The following KCNIP4 variants were observed in gnomAD, a reference collection of about 807,000 sequenced individuals.
KCNIP4 encodes potassium voltage-gated channel interacting protein 4, also known as Kv channel-interacting protein 4.
KCNIP4 carries 12 observed loss-of-function variants against 34.0 expected under a neutral mutation model. The observed-to-expected ratio is 0.35, with a 90% CI of 0.23 to 0.57. The LOEUF (loss-of-function observed/expected upper bound fraction) is 0.57, where lower values mean the gene tolerates loss of function less well. KCNIP4 is among the 20% of genes least tolerant of loss of function. The pLI is 0.83. For synonymous variants in KCNIP4, 124 were observed against 102.2 expected (o/e 1.21, Z -1.29); for missense variants, 238 against 311.7 (o/e 0.76, Z 1.78).
intron 1 of KCNIP4, among the ~76,000 whole-genome samples, chr4:20,894,123 C>T (rs575953902): frequency 1.3e-5 from 2 of 152,210 alleles, no homozygotes; most frequent in South Asian, 4.1e-4. Context: ...TCAAGTGATC[C>T]GCACACCTCG....
At chr4:21,239,607 A>G (rs1759644374) in intron 1 of KCNIP4, among the ~76,000 whole-genome samples, 1 of 152,238 alleles carries the variant, frequency 6.6e-6, no homozygotes. Flanking sequence ...TTATGCAGCC[A>G]ACAGACACAT....
intron 1 of KCNIP4, among the ~76,000 whole-genome samples, chr4:21,354,286 T>A (rs539148866): frequency 2.0e-5 from 3 of 152,254 alleles, no homozygotes; most frequent in South Asian, 4.2e-4. Flanking sequence ...AGGATCAAAT[T>A]CACACATAAC....
chr4:21,291,852 TCAAAAAAAA>T, intron 1 of KCNIP4, among the ~76,000 whole-genome samples: 1 of 32,818 alleles, frequency 3.0e-5, no homozygotes, highest in South Asian at 1.3e-3. Context: ...AGACTCCGCC[TCAAAAAAAA>T]AAAAAAAAAG....
intron 1 of KCNIP4, among the ~76,000 whole-genome samples, chr4:21,015,906 T>C (rs2149739560): frequency 7.0e-6 from 1 of 142,654 alleles, no homozygotes; most frequent in East Asian, 2.0e-4. Context: ...CAATATAATA[T>C]GTTTAATATA....
chr4:21,231,182 G>A (rs953223162), intron 1 of KCNIP4, among the ~76,000 whole-genome samples: 4 of 152,052 alleles, frequency 2.6e-5, no homozygotes, highest in Admixed American at 6.6e-5. Context: ...TCTACAGAGC[G>A]CTCTGCTGAT....
At chr4:21,281,607 C>T (rs952899094) in intron 1 of KCNIP4, among the ~76,000 whole-genome samples, 3 of 152,174 alleles carry the variant, frequency 2.0e-5, no homozygotes, top group Non-Finnish European at 4.4e-5. Context: ...CACTTAGGTA[C>T]ACACCTAACT....
At chr4:21,679,911 T>A (rs1750206977) in intron 1 of KCNIP4, among the ~76,000 whole-genome samples, 1 of 152,206 alleles carries the variant, frequency 6.6e-6, no homozygotes, top group South Asian at 2.1e-4. Flanking sequence ...TGAGAAGTAA[T>A]TTTTTGCTCA....
intron 1 of KCNIP4, among the ~76,000 whole-genome samples, chr4:21,933,052 G>GAAAAAAAAAAAAAAA (rs35062040): frequency 1.0e-5 from 1 of 100,030 alleles, no homozygotes; most frequent in Non-Finnish European, 2.0e-5. Flanking sequence ...AAAGGTAAAC[G>GAAAAAAAAAAAAAAA]AAAAAAAAAA....
At chr4:21,477,529 C>A (rs1214784247) in intron 1 of KCNIP4, among the ~76,000 whole-genome samples, 2 of 152,174 alleles carry the variant, frequency 1.3e-5, no homozygotes, top group Admixed American at 1.3e-4. Context: ...CCACAGCTTA[C>A]TGATAAGCGT....
intron 1 of KCNIP4, among the ~76,000 whole-genome samples, chr4:21,359,515 T>C (rs1719003258): frequency 1.3e-5 from 2 of 152,122 alleles, no homozygotes; most frequent in African/African-American, 4.8e-5. Context: ...AGAAAGGCCA[T>C]AAGTATTTGT....
At chr4:21,067,342 TG>T (rs1443131450) in intron 1 of KCNIP4, among the ~76,000 whole-genome samples, 1 of 151,876 alleles carries the variant, frequency 6.6e-6, no homozygotes, top group Admixed American at 6.6e-5. Flanking sequence ...GTGGTGGCTA[TG>T]GGGAGAGTCT....
chr4:21,357,633 C>T (rs1718772794), intron 1 of KCNIP4, among the ~76,000 whole-genome samples: 1 of 152,086 alleles, frequency 6.6e-6, no homozygotes, highest in African/African-American at 2.4e-5. Flanking sequence ...CATCTCATAC[C>T]AATTAGAATG....
intron 1 of KCNIP4, among the ~76,000 whole-genome samples, chr4:21,577,705 G>A (rs759666307): frequency 3.9e-5 from 6 of 152,088 alleles, no homozygotes; most frequent in Non-Finnish European, 8.8e-5. Flanking sequence ...GTGCCTCTAT[G>A]CCGTTGCACA....
At chr4:21,467,637 C>T (rs1045572930) in intron 1 of KCNIP4, among the ~76,000 whole-genome samples, 1 of 152,154 alleles carries the variant, frequency 6.6e-6, no homozygotes, top group East Asian at 1.9e-4. Flanking sequence ...AGCAGACACG[C>T]CAAGACATGA....
intron 1 of KCNIP4, among the ~76,000 whole-genome samples, chr4:21,942,179 T>G (rs1730240140): frequency 6.6e-6 from 1 of 152,192 alleles, no homozygotes; most frequent in Non-Finnish European, 1.5e-5. Context: ...CTGAATGACA[T>G]CTCCATGCCT....
intron 1 of KCNIP4, among the ~76,000 whole-genome samples, chr4:21,637,608 C>T (rs1746293741): frequency 6.6e-6 from 1 of 151,704 alleles, no homozygotes; most frequent in African/African-American, 2.4e-5. Flanking sequence ...CATGGTAAAA[C>T]CCTGTCTCTA....
intron 1 of KCNIP4, among the ~76,000 whole-genome samples, chr4:20,947,317 C>T (rs1250918849): frequency 2.6e-5 from 4 of 152,066 alleles, no homozygotes; most frequent in Non-Finnish European, 5.9e-5. Flanking sequence ...TACAGACATG[C>T]ACCAACACTC....
intron 1 of KCNIP4, among the ~76,000 whole-genome samples, chr4:21,005,755 G>A (rs1195990891): frequency 6.6e-6 from 1 of 152,256 alleles, no homozygotes; most frequent in East Asian, 1.9e-4. Flanking sequence ...TAGTTTGAAT[G>A]CAGAGTGACT....
intron 1 of KCNIP4, among the ~76,000 whole-genome samples, chr4:20,966,362 T>G (rs1224284249): frequency 6.6e-6 from 1 of 152,216 alleles, no homozygotes; most frequent in African/African-American, 2.4e-5. Context: ...TGTTCAAATA[T>G]CTGTCTGGGG....
Sources: gnomAD v4.1 joint callset for allele counts (sites outside exome capture counted in the v4.1 genomes callset) on GRCh38, gnomAD v4.1.1 for gene constraint, MANE v1.5 for transcripts, NCBI Gene and HGNC (gene_info 2026-07-23, HGNC 2026-07-21) for gene names.